ITCH: variants seen among roughly 807,000 people sequenced by gnomAD.
ITCH encodes E3 ubiquitin-protein ligase Itchy homolog.
A neutral mutation model predicts 126.8 loss-of-function variants in ITCH; 28 were observed. The ratio of observed to expected loss-of-function variants is 0.22; its 90% CI spans 0.16 to 0.30. The LOEUF (loss-of-function observed/expected upper bound fraction) is 0.30. ITCH is among the 10% of genes least tolerant of loss of function. The pLI, the probability that ITCH is intolerant of heterozygous loss-of-function variation, is 1.00. For missense variants in ITCH, 631 were observed against 1,032.4 expected (o/e 0.61, Z 5.33); for synonymous variants, 342 against 340.0 (o/e 1.01, Z -0.06).
chr20:34,410,385 A>AG (rs1054079594), intron 4 of ITCH, among the ~76,000 whole-genome samples: 48 of 30,332 alleles, frequency 1.6e-3, no homozygotes, highest in East Asian at 5.0e-3. Flanking sequence ...AAAAAGAGAG[A>AG]AAAAAAAAAA....
At chr20:34,469,859 T>C (rs1463565384) in intron 14 of ITCH, among the ~76,000 whole-genome samples, 189 bp from the exon 15 acceptor site, 1 of 152,220 alleles carries the variant, frequency 6.6e-6, no homozygotes, top group Non-Finnish European at 1.5e-5. Context: ...TTTTGTTTGT[T>C]TTTTCTGTTA....
chr20:34,434,880 CTT>C (rs1394280140), intron 7 of ITCH, among the ~76,000 whole-genome samples: 1 of 152,116 alleles, frequency 6.6e-6, no homozygotes, highest in Non-Finnish European at 1.5e-5. Context: ...GGCTTGGTCT[CTT>C]TGACATAATC....
At chr20:34,506,819 C>T (rs1490399039) in intron 24 of ITCH, among the ~76,000 whole-genome samples, 1 of 152,050 alleles carries the variant, frequency 6.6e-6, no homozygotes, top group East Asian at 1.9e-4. Context: ...AGAATCGTAC[C>T]TTATTTGTCC....
At chr20:34,372,001 A>G (rs576394151) in intron 2 of ITCH, among the ~76,000 whole-genome samples, 28 of 152,214 alleles carry the variant, frequency 1.8e-4, no homozygotes, top group African/African-American at 6.7e-4. Flanking sequence ...GACTGATATC[A>G]GAAATATCTT....
chr20:34,481,189 T>G lies in ITCH; in HGVS notation c.2076T>G (p.Asn692Lys). ...GCAATATTCTTGTAACAGAAGAAAA[T>G]AAAGAGGAATACATCAGGTGAGAGT... Reference protein sequence around the residue: ...NGGNILVTEENKEEYIRMVAE... With the variant: ...NGGNILVTEEKKEEYIRMVAE... The change falls in exon 20 of 25, where the codon AAT becomes AAG. Residue 692 changes from asparagine (N) to lysine (K), a missense_variant. Physicochemically the swap from Asn to Lys is moderately conservative, Grantham distance 94 (BLOSUM62 0). This residue lies in a region of ITCH where 390 missense variants were observed against 731.6 expected (regional missense o/e 0.53). Transcript: ENST00000374864. 1 of 1,613,468 alleles carries G rather than the reference T, an allele frequency of 6.2e-7. No homozygotes were observed. The highest frequency in any genetic ancestry group is 8.5e-7 in the Non-Finnish European group (1 of 1,179,654).
intron 11 of ITCH, among the ~76,000 whole-genome samples, chr20:34,446,251 C>A (rs901629140): frequency 6.6e-6 from 1 of 152,122 alleles, no homozygotes; most frequent in Non-Finnish European, 1.5e-5. Context: ...GAAAATCAAG[C>A]CTTAAGGAGC....
chr20:34,388,301 A>G (rs1329403900), intron 2 of ITCH, among the ~76,000 whole-genome samples: 1 of 151,264 alleles, frequency 6.6e-6, no homozygotes, highest in Non-Finnish European at 1.5e-5. Flanking sequence ...GTCTCACTGT[A>G]TTGCCCAGGC....
At chr20:34,493,792 G>A (rs1317174049) in intron 23 of ITCH, among the ~76,000 whole-genome samples, 1 of 152,208 alleles carries the variant, frequency 6.6e-6, no homozygotes, top group Non-Finnish European at 1.5e-5. Context: ...ATATGAGTTA[G>A]AGTTAAGAGG....
intron 20 of ITCH, among the ~76,000 whole-genome samples, chr20:34,486,450 C>T (rs1047778777): frequency 2.6e-5 from 4 of 151,582 alleles, no homozygotes; most frequent in African/African-American, 9.7e-5. Context: ...CTCAGCCTCC[C>T]GAGCAGCTGG....
chr20:34,407,655 C>A (rs184414057), intron 3 of ITCH, among the ~76,000 whole-genome samples: 16 of 152,244 alleles, frequency 1.1e-4, no homozygotes, highest in African/African-American at 3.8e-4. Context: ...GCTATACTTT[C>A]CCTCAGATAT....
At chr20:34,401,971 C>CGG (rs571424785) in intron 3 of ITCH, among the ~76,000 whole-genome samples, 1 of 151,882 alleles carries the variant, frequency 6.6e-6, no homozygotes, top group African/African-American at 2.4e-5. Flanking sequence ...GCTAGGGATA[C>CGG]GGGGGGGCGG....
chr20:34,489,816 C>A lies in ITCH; in HGVS notation c.2215-6C>A. On this transcript the variant is annotated splice_region_variant and splice_polypyrimidine_tract_variant and intron_variant, in intron 21 of 24. Transcript: ENST00000374864. ...AGGAAACAATTTGTCTTTTTCATCCCTAAAGGTCCTTTTATGTGGAATGCA... is the reference window on the plus strand; with the variant it reads ...AGGAAACAATTTGTCTTTTTCATCCATAAAGGTCCTTTTATGTGGAATGCA... 6.2e-7 allele frequency: 1 copy of A among 1,604,008 alleles called. No homozygotes were observed. The highest frequency in any genetic ancestry group is 8.5e-7 in the Non-Finnish European group (1 of 1,170,980).
intron 2 of ITCH, among the ~76,000 whole-genome samples, chr20:34,379,958 G>A (rs1047567773): frequency 4.2e-5 from 6 of 142,750 alleles, no homozygotes; most frequent in African/African-American, 1.6e-4. Context: ...ATGCAGTGGT[G>A]CGATGTTGGC....
At chr20:34,415,329 C>A (rs139916264) in intron 6 of ITCH, among the ~76,000 whole-genome samples, 25 of 151,940 alleles carry the variant, frequency 1.6e-4, no homozygotes, top group African/African-American at 6.0e-4. Flanking sequence ...GAGGCTGAGG[C>A]AGGAGGGTTA....
chr20:34,418,757 C>CCT (rs1555865948), intron 6 of ITCH, among the ~76,000 whole-genome samples: 1 of 116,534 alleles, frequency 8.6e-6, no homozygotes, highest in Non-Finnish European at 1.7e-5. Flanking sequence ...TCTTTTTTTC[C>CCT]TTTTTTTTTT....
chr20:34,426,133 A>G (rs894477505), intron 7 of ITCH, among the ~76,000 whole-genome samples: 3 of 152,264 alleles, frequency 2.0e-5, no homozygotes, highest in Non-Finnish European at 4.4e-5. Flanking sequence ...TCTTAACCAC[A>G]GAGTGCAGTG....
At chr20:34,474,108 A>C (rs1375860939) in intron 16 of ITCH, among the ~76,000 whole-genome samples, 1 of 152,172 alleles carries the variant, frequency 6.6e-6, no homozygotes, top group Non-Finnish European at 1.5e-5. Flanking sequence ...CACATTAACT[A>C]TTTTTTAATA....
intron 7 of ITCH, among the ~76,000 whole-genome samples, chr20:34,431,583 A>G (rs1982297462): frequency 6.6e-6 from 1 of 152,166 alleles, no homozygotes; most frequent in African/African-American, 2.4e-5. Context: ...GATCCTAGGG[A>G]AAAATCTGTG....
In ITCH at chr20:34,509,275, C is replaced by T. The variant is rs1978502767; in HGVS notation, c.*1481C>T. The T allele has an allele frequency of 6.6e-6, 1 of 152,278 alleles. No individual in the cohort carries two copies. Among genetic ancestry groups the T allele is most frequent in the Non-Finnish European group, 1.5e-5 (1 of 68,026 alleles). The allele number at this position is 152,278 out of a possible 1,614,324, so 9.4% of individuals were successfully genotyped here. On this transcript the variant is annotated 3_prime_UTR_variant, in exon 25 of 25. Transcript: ENST00000374864. ...TGACTTCATTGGCAGTGGATGAAGC[C>T]TAAGCCAGCTGAGTCTCTATCATAG...
Sources: gnomAD v4.1 joint callset for allele counts (sites outside exome capture counted in the v4.1 genomes callset) on GRCh38, gnomAD v4.1.1 for gene constraint, gnomAD v4.1.1 regional missense constraint, MANE v1.5 for transcripts, NCBI Gene and HGNC (gene_info 2026-07-23, HGNC 2026-07-21) for gene names.